The following USP6NL variants were observed in gnomAD, a reference collection of about 807,000 sequenced individuals.
USP6NL encodes the protein USP6 N-terminal-like protein.
A neutral mutation model predicts 61.9 loss-of-function variants in USP6NL; 26 were observed. The ratio of observed to expected loss-of-function variants is 0.42; its 90% CI spans 0.31 to 0.58. USP6NL has a LOEUF of 0.58. Ranked by LOEUF, USP6NL falls within the 20% of genes least tolerant of loss-of-function variation. USP6NL has a pLI of 0.16. For missense variants in USP6NL, 1,114 were observed against 1,034.3 expected (o/e 1.08, Z -1.06); for synonymous variants, 432 against 390.1 (o/e 1.11, Z -1.27).
At position 11,596,892 on chromosome 10, in the gene USP6NL, T is replaced by C. The variant is rs1344732536; in HGVS notation, c.4+739A>G. 6.6e-6 allele frequency among the ~76,000 whole-genome samples: 1 copy of C among 152,156 alleles called. No homozygotes were observed. Among genetic ancestry groups the C allele is most frequent in the Non-Finnish European group, 1.5e-5 (1 of 68,020 alleles). ...GTAAATATAATCAATACAAATACTA[T>C]GTGAAAAACATTTAAACTCTAATAT... is the stretch of plus-strand genomic sequence containing the variant. On this transcript the variant is annotated intron_variant, in intron 2 of 14. Coordinates refer to ENST00000609104, the MANE Select transcript of USP6NL (RefSeq NM_014688.5). This position sits in a 1 kb window ranked among gnomAD's most constrained non-coding sequence, Gnocchi z 4.1.
intron 2 of USP6NL, among the ~76,000 whole-genome samples, chr10:11,542,820 C>CA (rs1310018591): frequency 6.6e-6 from 1 of 152,132 alleles, no homozygotes; most frequent in Non-Finnish European, 1.5e-5. Flanking sequence ...CCCCCAGCAA[C>CA]AGGAATGGCT....
At position 11,519,532 on chromosome 10, in the gene USP6NL, A is replaced by C. The variant is rs1009610732; in HGVS notation, c.156-958T>G. On this transcript the variant is annotated intron_variant, in intron 4 of 14. Transcript: ENST00000609104. Reference sequence around the variant, plus strand: ...GTAATCCCAGCAACCTGGGAGGCTGACACAGGAGAATCGCTTGAACCCGGG... The same window carrying C: ...GTAATCCCAGCAACCTGGGAGGCTGCCACAGGAGAATCGCTTGAACCCGGG... 5.9e-5 allele frequency among the ~76,000 whole-genome samples: 9 copies of C among 152,284 alleles called. No individual in the cohort carries two copies. In the South Asian group the frequency reaches 1.9e-3, roughly 32 times the overall value.
chr10:11,563,547 G>A (rs889119421), intron 2 of USP6NL: 3 of 151,940 alleles, frequency 2.0e-5, no homozygotes, highest in Non-Finnish European at 4.4e-5. Context: ...ACATAAAAAT[G>A]GAGGAAACTG....
rs543053977 is a variant in USP6NL, at chr10:11,537,972, T to C, written c.5-10405A>G. On this transcript the variant is annotated intron_variant, in intron 2 of 14. Coordinates refer to ENST00000609104, the MANE Select transcript of USP6NL (RefSeq NM_014688.5). The surrounding 1 kb of genome is among the most constrained non-coding windows in gnomAD (Gnocchi z 5.1). The stretch of plus-strand genomic sequence containing the variant: ...AATTGGTAGGTTGCTTGTTTTGTTT[T>C]TGTAAGCACATGTTTTTAAGATCAT... Among the ~76,000 whole-genome samples the C allele has an allele frequency of 1.3e-5, 2 of 152,382 alleles. No homozygotes were observed. Among genetic ancestry groups the C allele is most frequent in the East Asian group, 1.9e-4 (1 of 5,194 alleles).
At chr10:11,582,167 T>C (rs969260792) in intron 2 of USP6NL, among the ~76,000 whole-genome samples, 13 of 152,254 alleles carry the variant, frequency 8.5e-5, no homozygotes, top group Admixed American at 1.3e-4. Context: ...GGTTTCGCCA[T>C]GTTGGGCAGG....
chr10:11,551,345 C>T lies in USP6NL; in HGVS notation c.5-23778G>A, dbSNP rs577395424. 1.6e-4 allele frequency among the ~76,000 whole-genome samples: 25 copies of T among 152,248 alleles called. No homozygotes were observed. The South Asian group carries it at 1.9e-3, about 11-fold the overall frequency. On this transcript the variant is annotated intron_variant, in intron 2 of 14. Transcript: ENST00000609104. ...AATAAAAGAAGTCAAACACAAAAGA[C>T]CTCATACTGTAGAACTTCATTTATA...
chr10:11,601,770 C>T (rs1838539641), intron 1 of USP6NL, among the ~76,000 whole-genome samples: 1 of 152,128 alleles, frequency 6.6e-6, no homozygotes, highest in Non-Finnish European at 1.5e-5. Flanking sequence ...TGCAAGATAG[C>T]TTTTATGTGA....
chr10:11,515,865 T>C (rs561358382), intron 5 of USP6NL, among the ~76,000 whole-genome samples: 16 of 152,282 alleles, frequency 1.1e-4, no homozygotes, highest in East Asian at 3.9e-4. Flanking sequence ...CACCCTGACA[T>C]TGGAAAGTCT....
rs1263425905 is a variant in USP6NL, at chr10:11,537,174, G to T, written c.5-9607C>A. Among the ~76,000 whole-genome samples the T allele has an allele frequency of 6.6e-6, 1 of 152,016 alleles. No individual in the cohort carries two copies. The highest frequency in any genetic ancestry group is 2.4e-5 in the African/African-American group (1 of 41,386). On this transcript the variant is annotated intron_variant, in intron 2 of 14. Coordinates refer to ENST00000609104, the MANE Select transcript of USP6NL (RefSeq NM_014688.5). This position sits in a 1 kb window ranked among gnomAD's most constrained non-coding sequence, Gnocchi z 5.1. ...CGCCCAGACTGGAGTGCAGTGGCACGATCACAGTTCACTGCAGCGTCAATC... is the reference window on the plus strand; with the variant it reads ...CGCCCAGACTGGAGTGCAGTGGCACTATCACAGTTCACTGCAGCGTCAATC...
intron 2 of USP6NL, among the ~76,000 whole-genome samples, chr10:11,581,781 G>C (rs2133607762): frequency 6.6e-6 from 1 of 152,232 alleles, no homozygotes; most frequent in East Asian, 1.9e-4. Context: ...TTGTTTGTTT[G>C]CTTGTTTTTG....
intron 6 of USP6NL, among the ~76,000 whole-genome samples, chr10:11,506,341 A>C (rs1477123968): frequency 3.9e-5 from 6 of 152,174 alleles, no homozygotes; most frequent in African/African-American, 1.4e-4. Context: ...CACTTCATAG[A>C]CTATATTTTT....
chr10:11,479,599 G>A lies in USP6NL; in HGVS notation c.1078+2171C>T, dbSNP rs188065869. Among the ~76,000 whole-genome samples, 19 of 144,182 alleles carry A rather than the reference G, an allele frequency of 1.3e-4. No individual in the cohort carries two copies. The East Asian group carries it at 2.0e-3, about 15-fold the overall frequency. 94.6% of individuals were successfully genotyped at this position (144,182 alleles called of 152,430 possible). On this transcript the variant is annotated intron_variant, in intron 14 of 14. Transcript: ENST00000609104. The stretch of plus-strand genomic sequence containing the variant: ...TTTTTTGGTTTTTTTTTTTTGAGTC[G>A]GAGTCTCACTTTGTCGCCCAGGTTG...
intron 2 of USP6NL, among the ~76,000 whole-genome samples, chr10:11,538,182 A>G (rs1486185610): frequency 7.2e-5 from 11 of 152,242 alleles, no homozygotes; most frequent in Non-Finnish European, 1.6e-4. Flanking sequence ...ATAGGAAACA[A>G]AATAATTTTT....
At chr10:11,542,632 T>C (rs530863409) in intron 2 of USP6NL, among the ~76,000 whole-genome samples, 20 of 152,168 alleles carry the variant, frequency 1.3e-4, no homozygotes, top group Non-Finnish European at 1.3e-4. Context: ...GGCAGGAGAA[T>C]TGCCTGAACC....
At chr10:11,523,102 C>T (rs1835274569) in intron 4 of USP6NL, among the ~76,000 whole-genome samples, 1 of 152,252 alleles carries the variant, frequency 6.6e-6, no homozygotes, top group Non-Finnish European at 1.5e-5. Context: ...TAAATATTTG[C>T]ACTTTTTCCC....
At chr10:11,610,667 G>A (rs12269415) in intron 1 of USP6NL, among the ~76,000 whole-genome samples, 1 of 150,406 alleles carries the variant, frequency 6.6e-6, no homozygotes, top group Admixed American at 6.6e-5. Flanking sequence ...CAATCACTGG[G>A]TACGGCCCTA....
intron 6 of USP6NL, among the ~76,000 whole-genome samples, chr10:11,504,403 A>G (rs1384544505): frequency 2.6e-5 from 4 of 152,212 alleles, no homozygotes; most frequent in South Asian, 2.1e-4. Context: ...TCTTTTCTAC[A>G]TCAGCCCCAT....
In USP6NL at chr10:11,598,285, C is replaced by G. The variant is rs1474565115; in HGVS notation, c.-83-568G>C. ...ATATTACCCTAACCCCTACATCTAC[C>G]CAATCATTTGGGACATATTTCCTTT... is the stretch of plus-strand genomic sequence containing the variant. On this transcript the variant is annotated intron_variant, in intron 1 of 14. Coordinates refer to ENST00000609104, the MANE Select transcript of USP6NL (RefSeq NM_014688.5). This position sits in a 1 kb window ranked among gnomAD's most constrained non-coding sequence, Gnocchi z 4.7. 6.6e-6 allele frequency among the ~76,000 whole-genome samples: 1 copy of G among 152,082 alleles called. No homozygotes were observed. The highest frequency in any genetic ancestry group is 1.5e-5 in the Non-Finnish European group (1 of 68,000).
chr10:11,610,094 G>A (rs899773222), intron 1 of USP6NL, among the ~76,000 whole-genome samples: 2 of 151,986 alleles, frequency 1.3e-5, no homozygotes, highest in South Asian at 2.1e-4. Flanking sequence ...AATCAGCAAA[G>A]GAATTTCTGT....
Sources: gnomAD v4.1 joint callset for allele counts (sites outside exome capture counted in the v4.1 genomes callset) on GRCh38, gnomAD v4.1.1 for gene constraint, Gnocchi (gnomAD v3.1) non-coding constraint, MANE v1.5 for transcripts, NCBI Gene and HGNC (gene_info 2026-07-23, HGNC 2026-07-21) for gene names.